Variants in PSD3 observed in about 807,000 individuals in gnomAD.
PSD3 encodes pleckstrin and Sec7 domain containing 3.
A neutral mutation model predicts 105.5 loss-of-function variants in PSD3; 49 were observed. The ratio of observed to expected loss-of-function variants is 0.46; its 90% CI spans 0.37 to 0.59. PSD3 has a LOEUF of 0.59. PSD3 is among the 20% of genes least tolerant of loss of function. The pLI is 0.00. For synonymous variants in PSD3, 557 were observed against 457.8 expected (o/e 1.22, Z -2.77); for missense variants, 1,561 against 1,263.8 (o/e 1.24, Z -3.57).
At chr8:18,723,219 G>A (rs1322899306) in intron 9 of PSD3, among the ~76,000 whole-genome samples, 2 of 152,142 alleles carry the variant, frequency 1.3e-5, no homozygotes, top group African/African-American at 2.4e-5. Context: ...CAGATGACAC[G>A]TGTGTTCTAG....
chr8:18,865,255 TATATATATATATATATATATATATATATA>T lies in PSD3; in HGVS notation c.1634+2390_1634+2418del, dbSNP rs1816783301. The T allele has an allele frequency of 1.3e-3, 5 of 3,834 alleles. 1 individual carries two copies. Among genetic ancestry groups the T allele is most frequent in the African/African-American group, 1.9e-3 (2 of 1,026 alleles). 0.2% of individuals were successfully genotyped at this position (3,834 alleles called of 1,614,324 possible). A position where few individuals can be genotyped will look rare whatever the true frequency, so the allele number is the denominator to read the frequency against. Reference sequence around the variant, plus strand: ...ATATATATATATATATATATATATATATATATATATATATATATATATATATATATATTTTTTTTTTTTTTTTTTTTTTT... The same window carrying T: ...ATATATATATATATATATATATATATTATTTTTTTTTTTTTTTTTTTTTTT... On this transcript the variant is annotated intron_variant, in intron 4 of 15. Coordinates refer to ENST00000327040, the MANE Select transcript of PSD3 (RefSeq NM_015310.4).
intron 11 of PSD3, among the ~76,000 whole-genome samples, chr8:18,604,753 G>A (rs914487820): frequency 1.3e-5 from 2 of 152,122 alleles, no homozygotes; most frequent in Admixed American, 6.5e-5. Flanking sequence ...GTGAAGCCTC[G>A]GGACACTGCT....
At chr8:18,870,326 T>C (rs1817240476) in intron 3 of PSD3, among the ~76,000 whole-genome samples, 2 of 152,086 alleles carry the variant, frequency 1.3e-5, no homozygotes, top group African/African-American at 4.8e-5. Flanking sequence ...ATGACTACGA[T>C]CAAAGGGAGT....
chr8:18,647,975 A>C (rs1808176858), intron 10 of PSD3, among the ~76,000 whole-genome samples: 1 of 152,190 alleles, frequency 6.6e-6, no homozygotes. Context: ...CCAGAAGCTG[A>C]GCAGATGCCA....
intron 4 of PSD3, among the ~76,000 whole-genome samples, chr8:18,823,678 C>G (rs1008508082): frequency 6.6e-6 from 1 of 152,116 alleles, no homozygotes; most frequent in Non-Finnish European, 1.5e-5. Flanking sequence ...AGATGTAACT[C>G]TCATTGATAC....
In PSD3 at chr8:18,832,270, C is replaced by T. The variant is rs181312886; in HGVS notation, c.1635-27372G>A. On this transcript the variant is annotated intron_variant, in intron 4 of 15. Coordinates refer to ENST00000327040, the MANE Select transcript of PSD3 (RefSeq NM_015310.4). ...AAAAGTATAAAGTATAGGGTTATATCTTGCTTCACGTCCAAGGATGCACAG... is the reference window on the plus strand; with the variant it reads ...AAAAGTATAAAGTATAGGGTTATATTTTGCTTCACGTCCAAGGATGCACAG... 1.7e-3 allele frequency among the ~76,000 whole-genome samples: 261 copies of T among 152,194 alleles called. 1 individual carries two copies. Among genetic ancestry groups the T allele is most frequent in the Middle Eastern group, 3.4e-3 (1 of 292 alleles).
intron 9 of PSD3, among the ~76,000 whole-genome samples, chr8:18,656,631 C>T (rs151225260): frequency 7.6e-4 from 116 of 152,280 alleles, no homozygotes; most frequent in Non-Finnish European, 1.3e-3. Flanking sequence ...AAAGTCAGCA[C>T]AAGACTGCTA....
At chr8:18,555,866 A>G (rs1170439077) in intron 15 of PSD3, among the ~76,000 whole-genome samples, 1 of 152,150 alleles carries the variant, frequency 6.6e-6, no homozygotes, top group Non-Finnish European at 1.5e-5. Context: ...TTTGACTCCA[A>G]TTCTGCCGGA....
intron 15 of PSD3, among the ~76,000 whole-genome samples, chr8:18,548,882 G>C (rs1009077196): frequency 6.6e-6 from 1 of 152,178 alleles, no homozygotes; most frequent in African/African-American, 2.4e-5. Context: ...CTACAGAGTA[G>C]TTAGAAGCCT....
chr8:18,638,047 T>C (rs1172608233), intron 10 of PSD3, among the ~76,000 whole-genome samples: 3 of 151,834 alleles, frequency 2.0e-5, no homozygotes, highest in East Asian at 1.9e-4. Flanking sequence ...TCCCAGCTAC[T>C]TGGGAGGCTG....
At chr8:18,893,263 AG>A (rs1168212091) in intron 2 of PSD3, among the ~76,000 whole-genome samples, 1 of 152,142 alleles carries the variant, frequency 6.6e-6, no homozygotes, top group Non-Finnish European at 1.5e-5. Context: ...GATGGGCTTA[AG>A]GGGCTGACCT....
chr8:18,855,638 C>T (rs1492289), intron 4 of PSD3, among the ~76,000 whole-genome samples: 79,119 of 152,006 alleles, frequency 0.52, 21,259 homozygotes, highest in East Asian at 0.84. Context: ...AGAACTCAGA[C>T]ACAATGGCCA....
rs1799752893 is a variant in PSD3 at position 18,534,456 on chromosome 8, G to T, written c.*1287C>A. On this transcript the variant is annotated 3_prime_UTR_variant, in exon 16 of 16. Coordinates refer to ENST00000327040, the MANE Select transcript of PSD3 (RefSeq NM_015310.4). ...CAAGCTCATGACTGCAAAGTTAATA[G>T]AACCATTTTGAGTAGACAGAAAGAA... is the stretch of plus-strand genomic sequence containing the variant. 1 of 152,558 alleles carries T rather than the reference G, an allele frequency of 6.6e-6. No homozygotes were observed. The highest frequency in any genetic ancestry group is 6.5e-5 in the Admixed American group (1 of 15,274). The allele number at this position is 152,558 out of a possible 1,614,324, so 9.5% of individuals were successfully genotyped here. A position where few individuals can be genotyped will look rare whatever the true frequency, so the allele number is the denominator to read the frequency against.
At chr8:18,592,115 T>C (rs1041782418) in intron 12 of PSD3, among the ~76,000 whole-genome samples, 5 of 152,062 alleles carry the variant, frequency 3.3e-5, no homozygotes, top group Non-Finnish European at 7.4e-5. Flanking sequence ...ATTACCTGCA[T>C]AAACACTGTA....
intron 6 of PSD3, among the ~76,000 whole-genome samples, chr8:18,803,849 T>C (rs950218370): frequency 3.3e-5 from 5 of 152,076 alleles, no homozygotes; most frequent in African/African-American, 4.8e-5. Flanking sequence ...ATCATGGAGA[T>C]GGACGGTGGT....
At chr8:18,797,248 G>A (rs575960669) in intron 8 of PSD3, among the ~76,000 whole-genome samples, 1 of 152,186 alleles carries the variant, frequency 6.6e-6, no homozygotes, top group Admixed American at 6.5e-5. Flanking sequence ...TTTTAAAACA[G>A]AGAACTACTT....
chr8:18,970,734 C>T (rs1242329583), intron 1 of PSD3, among the ~76,000 whole-genome samples: 1 of 152,104 alleles, frequency 6.6e-6, no homozygotes, highest in African/African-American at 2.4e-5. Flanking sequence ...GTGGGAGGAA[C>T]ATATGAGGTT....
intron 9 of PSD3, among the ~76,000 whole-genome samples, chr8:18,661,951 T>C (rs955442372): frequency 6.6e-6 from 1 of 152,178 alleles, no homozygotes; most frequent in African/African-American, 2.4e-5. Context: ...TCAACATTCA[T>C]CTTTTCAGCT....
chr8:18,892,060 A>G (rs1818818941), intron 2 of PSD3, among the ~76,000 whole-genome samples: 6 of 152,306 alleles, frequency 3.9e-5, no homozygotes. Flanking sequence ...ATGTGAACAT[A>G]AAGAAGAGCC....
Sources: allele counts gnomAD v4.1 joint callset (sites outside exome capture counted in the v4.1 genomes callset), GRCh38; gene constraint gnomAD v4.1.1; transcripts MANE v1.5; gene names NCBI Gene and HGNC (gene_info 2026-07-23, HGNC 2026-07-21).